The following VIPAS39 variants were observed in gnomAD, a reference collection of about 807,000 sequenced individuals.
VIPAS39 encodes VPS33B interacting protein, apical-basolateral polarity regulator, spe-39 homolog, also known as spermatogenesis-defective protein 39 homolog.
VIPAS39 carries 63 observed loss-of-function variants against 84.7 expected under a neutral mutation model. The ratio of observed to expected loss-of-function variants is 0.74; its 90% CI spans 0.61 to 0.92. The LOEUF (loss-of-function observed/expected upper bound fraction) is 0.92, where lower values mean the gene tolerates loss of function less well. Ranked by LOEUF, VIPAS39 falls within the 40% of genes least tolerant of loss-of-function variation. The pLI, the probability that VIPAS39 is intolerant of heterozygous loss-of-function variation, is 0.00. For synonymous variants in VIPAS39, 192 were observed against 216.5 expected (o/e 0.89, Z 0.99); for missense variants, 499 against 604.5 (o/e 0.83, Z 1.83).
At chr14:77,444,684 T>C (rs1249756228) in intron 7 of VIPAS39, among the ~76,000 whole-genome samples, 10 of 151,962 alleles carry the variant, frequency 6.6e-5, no homozygotes. Context: ...ACCATTCTCC[T>C]GCCTCAGCGT....
At chr14:77,451,775 A>T (rs77323063) in intron 3 of VIPAS39, among the ~76,000 whole-genome samples, 4,476 of 152,216 alleles carry the variant, frequency 0.029, 214 homozygotes, top group African/African-American at 0.1. Context: ...ACTACAAATT[A>T]AAAATATAAT....
intron 1 of VIPAS39, chr14:77,457,285 A>C (rs1349271287): frequency 6.5e-7 from 1 of 1,535,582 alleles, no homozygotes; most frequent in Non-Finnish European, 8.7e-7. Context: ...TCTGAACCAA[A>C]TGTCCGCTTC....
Position 77,427,605 on chromosome 14 carries a change from G to C in VIPAS39, c.*11C>G, listed in dbSNP as rs2078449586. 1 of 1,614,078 alleles carries C rather than the reference G, an allele frequency of 6.2e-7. No homozygotes were observed. Among genetic ancestry groups the C allele is most frequent in the South Asian group, 1.1e-5 (1 of 91,096 alleles). On this transcript the variant is annotated 3_prime_UTR_variant, in exon 20 of 20. Coordinates refer to ENST00000557658, the MANE Select transcript of VIPAS39 (RefSeq NM_001193315.2). ...AGGAAATGAGGCAGGCTTCAAGGTAGTCAATGCCACTTAATTCTTCCATCG... is the reference window on the plus strand; with the variant it reads ...AGGAAATGAGGCAGGCTTCAAGGTACTCAATGCCACTTAATTCTTCCATCG...
At chr14:77,441,180 GA>G (rs1163051334) in intron 10 of VIPAS39, 87 bp from the exon 11 acceptor site, 1 of 1,450,658 alleles carries the variant, frequency 6.9e-7, no homozygotes, top group Admixed American at 1.7e-5. Flanking sequence ...TCCTCTAGGA[GA>G]AACACAATTC....
In VIPAS39 at chr14:77,457,568, G is replaced by A. The variant is rs1412221134; in HGVS notation, c.-74C>T. 8.1e-6 allele frequency: 5 copies of A among 617,714 alleles called. No individual in the cohort carries two copies. The highest frequency in any genetic ancestry group is 7.9e-5 in the South Asian group (4 of 50,796). 38.3% of individuals were successfully genotyped at this position (617,714 alleles called of 1,614,324 possible). On this transcript the variant is annotated 5_prime_UTR_variant, in exon 1 of 20. Coordinates refer to ENST00000557658, the MANE Select transcript of VIPAS39 (RefSeq NM_001193315.2). ...CCGCTGGACCAGCCCTTCTATTCAGGCTGTGCAGCTTAGAGAAGGGGGCGG... is the reference window on the plus strand; with the variant it reads ...CCGCTGGACCAGCCCTTCTATTCAGACTGTGCAGCTTAGAGAAGGGGGCGG...
chr14:77,453,195 C>A (rs150693529), intron 3 of VIPAS39, 104 bp downstream of exon 3: 252 of 1,153,542 alleles, frequency 2.2e-4, no homozygotes, highest in Non-Finnish European at 3.2e-4. Flanking sequence ...ATAGTCTTAT[C>A]CTAGTCCCTC....
rs376696095 is a variant in VIPAS39, at chr14:77,453,220, G to T, written c.196+79C>A. On this transcript the variant is annotated intron_variant, in intron 3 of 19. Transcript: ENST00000557658. ...CCTAGTCCCTCTCCTAACTAGCATT[G>T]AAGAAACAAACAAGTAGAGCCTTTA... 141 of 1,409,050 alleles carry T rather than the reference G, an allele frequency of 1.0e-4. 2 individuals carry two copies. In the South Asian group the frequency reaches 1.6e-3, roughly 16 times the overall value. 87.3% of individuals were successfully genotyped at this position (1,409,050 alleles called of 1,614,324 possible).
At position 77,451,296 on chromosome 14, in the gene VIPAS39, G is replaced by A. The variant is rs17105802; in HGVS notation, c.234C>T (p.Ser78=). The part of the protein sequence containing the change: ...SWSIRETAGN[S]GSTHEGREQL... ...GTTCACGCCCCTCGTGGGTTGAGCC[G>A]CTATTACCAGCAGTCTCTCTGATGG... Residue 78 remains serine (S), a synonymous_variant, in exon 4 of 20, where the codon AGC becomes AGT. Transcript: ENST00000557658. 6.0e-3 allele frequency: 9,617 copies of A among 1,614,110 alleles called. 501 individuals carry two copies. In the African/African-American group the frequency reaches 0.11, roughly 19 times the overall value.
chr14:77,452,205 T>C (rs1023688862), intron 3 of VIPAS39, among the ~76,000 whole-genome samples: 1 of 152,088 alleles, frequency 6.6e-6, no homozygotes, highest in Non-Finnish European at 1.5e-5. Context: ...TATTAACACA[T>C]AAAAAGAGCA....
intron 14 of VIPAS39, among the ~76,000 whole-genome samples, chr14:77,434,787 T>C (rs1486523705): frequency 6.6e-6 from 1 of 150,712 alleles, no homozygotes; most frequent in African/African-American, 2.4e-5. Context: ...TGATCCCAGC[T>C]ACTCAGGAGG....
chr14:77,448,405 T>A, intron 7 of VIPAS39, 89 bp downstream of exon 7: 2 of 1,267,814 alleles, frequency 1.6e-6, no homozygotes, highest in Non-Finnish European at 2.3e-6. Context: ...ATTGAACAAA[T>A]GAGAACTGAA....
At position 77,427,228 on chromosome 14, in the gene VIPAS39, C is replaced by T. The variant is rs2078444673; in HGVS notation, c.*388G>A. 1 of 266,024 alleles carries T rather than the reference C, an allele frequency of 3.8e-6. No individual in the cohort carries two copies. Among genetic ancestry groups the T allele is most frequent in the Non-Finnish European group, 7.3e-6 (1 of 136,364 alleles). 16.5% of individuals were successfully genotyped at this position (266,024 alleles called of 1,614,324 possible). A position where few individuals can be genotyped will look rare whatever the true frequency, so the allele number is the denominator to read the frequency against. ...TCAGAGCAGAACTGCCAATGTCCAG[C>T]GCCAAGTCCTGGATCATAATTAGCT... On this transcript the variant is annotated 3_prime_UTR_variant, in exon 20 of 20. Coordinates refer to ENST00000557658, the MANE Select transcript of VIPAS39 (RefSeq NM_001193315.2).
intron 3 of VIPAS39, 125 bp from the exon 4 acceptor site, chr14:77,451,458 A>C (rs752264276): frequency 1.0e-4 from 137 of 1,372,784 alleles, no homozygotes; most frequent in Non-Finnish European, 1.3e-4. Flanking sequence ...TGGGGCAGGG[A>C]GAAAAGATAG....
intron 11 of VIPAS39, among the ~76,000 whole-genome samples, chr14:77,438,355 A>G (rs1044216919): frequency 2.0e-5 from 3 of 152,044 alleles, no homozygotes; most frequent in African/African-American, 4.8e-5. Context: ...CAGCCTCCCA[A>G]GTAGCTGGGA....
In VIPAS39 at chr14:77,427,561, C is replaced by T; in HGVS notation, c.*55G>A. The T allele has an allele frequency of 1.9e-6, 3 of 1,612,054 alleles. No homozygotes were observed. The highest frequency in any genetic ancestry group is 2.5e-6 in the Non-Finnish European group (3 of 1,178,166). On this transcript the variant is annotated 3_prime_UTR_variant, in exon 20 of 20. Coordinates refer to ENST00000557658, the MANE Select transcript of VIPAS39 (RefSeq NM_001193315.2). ...CTCTCCCAAAGAAGAGCTCTCTCTGCTTTCACAGGCAGGAGAGGAGGAAAT... is the reference window on the plus strand; with the variant it reads ...CTCTCCCAAAGAAGAGCTCTCTCTGTTTTCACAGGCAGGAGAGGAGGAAAT...
chr14:77,434,456 A>G (rs1423394390), intron 14 of VIPAS39, among the ~76,000 whole-genome samples, 153 bp from the exon 15 acceptor site: 3 of 152,208 alleles, frequency 2.0e-5, no homozygotes, highest in Non-Finnish European at 2.9e-5. Context: ...CTCCATTGGG[A>G]ATAGTCAGAT....
chr14:77,431,626 T>A (rs1346719936), intron 16 of VIPAS39, among the ~76,000 whole-genome samples: 1 of 152,038 alleles, frequency 6.6e-6, no homozygotes, highest in African/African-American at 2.4e-5. Context: ...GCTACGGTCA[T>A]GCCACTGCAC....
chr14:77,448,445 C>T (rs376184190), intron 7 of VIPAS39, 49 bp downstream of exon 7: 1 of 1,572,974 alleles, frequency 6.4e-7, no homozygotes, highest in African/African-American at 1.4e-5. Flanking sequence ...CCTGTGTGAA[C>T]AAGCTGCCCA....
At chr14:77,441,163 G>T (rs532187874) in intron 10 of VIPAS39, 70 bp from the exon 11 acceptor site, 1 of 1,563,868 alleles carries the variant, frequency 6.4e-7, no homozygotes, top group South Asian at 1.1e-5. Flanking sequence ...TCACAAAATC[G>T]AGTGCCTCCT....
Sources: gnomAD v4.1 joint callset for allele counts (sites outside exome capture counted in the v4.1 genomes callset) on GRCh38, gnomAD v4.1.1 for gene constraint, MANE v1.5 for transcripts, NCBI Gene and HGNC (gene_info 2026-07-23, HGNC 2026-07-21) for gene names.